EDA: variants seen among roughly 807,000 people sequenced by gnomAD.
The protein encoded by EDA is ectodysplasin-A.
A neutral mutation model predicts 23.6 loss-of-function variants in EDA; 2 were observed. The observed-to-expected ratio is 0.08, with a 90% CI of 0.03 to 0.27. The LOEUF is 0.27. Among genes scored for constraint, EDA ranks in the 10% least tolerant of loss-of-function variants. The pLI, the probability that EDA is intolerant of heterozygous loss-of-function variation, is 1.00. For synonymous variants in EDA, 131 were observed against 132.0 expected (o/e 0.99, Z 0.05); for missense variants, 229 against 324.2 (o/e 0.71, Z 2.26).
At chrX:69,958,091 A>G (rs902436289) in intron 2 of EDA, among the ~76,000 whole-genome samples, 7 of 112,227 alleles carry the variant, frequency 6.2e-5, no homozygotes, top group Non-Finnish European at 1.3e-4. Flanking sequence ...TGAGTTAACT[A>G]GCAATGCATT....
intron 1 of EDA, among the ~76,000 whole-genome samples, chrX:69,777,431 A>AT (rs1331021404): frequency 3.6e-5 from 4 of 111,210 alleles, no homozygotes; most frequent in Non-Finnish European, 7.6e-5. Flanking sequence ...GTAGTTTGTC[A>AT]TTTGGGGGTT....
intron 1 of EDA, among the ~76,000 whole-genome samples, chrX:69,636,616 C>T (rs1227158859): frequency 9.4e-6 from 1 of 105,862 alleles, no homozygotes; most frequent in Non-Finnish European, 1.9e-5. Flanking sequence ...ACCATAGGTG[C>T]TCAAACTGGT....
At chrX:69,698,111 C>T (rs915094190) in intron 1 of EDA, among the ~76,000 whole-genome samples, 6 of 111,745 alleles carry the variant, frequency 5.4e-5, no homozygotes, top group Non-Finnish European at 9.4e-5. Context: ...GTGGCAGGAC[C>T]GTGATATTCG....
intron 2 of EDA, among the ~76,000 whole-genome samples, chrX:69,965,775 G>A (rs759300383): frequency 1.8e-5 from 2 of 112,461 alleles, no homozygotes; most frequent in Non-Finnish European, 3.8e-5. Flanking sequence ...GTCTGGACAC[G>A]GTGGCTTACG....
intron 1 of EDA, among the ~76,000 whole-genome samples, chrX:69,732,085 T>G (rs995365475): frequency 1.0e-5 from 1 of 97,233 alleles, no homozygotes; most frequent in African/African-American, 3.3e-5. Context: ...TTATTAAATA[T>G]TTTATTGAAG....
chrX:69,842,172 C>G (rs1470288813), intron 1 of EDA, among the ~76,000 whole-genome samples: 2 of 111,243 alleles, frequency 1.8e-5, no homozygotes, highest in Non-Finnish European at 3.8e-5. Flanking sequence ...ATCAGATCAG[C>G]AGTGGCATTA....
intron 1 of EDA, among the ~76,000 whole-genome samples, chrX:69,715,780 G>A (rs775328099): frequency 9.8e-5 from 11 of 111,827 alleles, no homozygotes; most frequent in African/African-American, 3.2e-4. Context: ...CATTTTGACT[G>A]GTGTGAGATG....
At position 69,830,032 on chromosome X, in the gene EDA, C is replaced by T. The variant is rs544443281; in HGVS notation, c.397-126995C>T. Among the ~76,000 whole-genome samples, 5 of 110,446 alleles carry T rather than the reference C, an allele frequency of 4.5e-5. No individual in the cohort carries two copies. The South Asian group carries it at 1.1e-3, about 25-fold the overall frequency. On this transcript the variant is annotated intron_variant, in intron 1 of 7. Transcript: ENST00000374552. Reference sequence around the variant, plus strand: ...GCAGGCTTTTTGATCAGCTTTTTTACTGACAATAACAGGCAAGTATTTCCA... The same window carrying T: ...GCAGGCTTTTTGATCAGCTTTTTTATTGACAATAACAGGCAAGTATTTCCA...
intron 1 of EDA, among the ~76,000 whole-genome samples, chrX:69,820,031 G>A (rs1002329398): frequency 2.7e-5 from 3 of 111,157 alleles, no homozygotes; most frequent in Non-Finnish European, 5.7e-5. Flanking sequence ...GCATGGTAGT[G>A]GTACAAGACC....
intron 1 of EDA, among the ~76,000 whole-genome samples, chrX:69,623,803 T>A (rs960954032): frequency 1.8e-5 from 2 of 110,445 alleles, no homozygotes; most frequent in African/African-American, 6.6e-5. Flanking sequence ...TAAATAACTG[T>A]CTGCAATCAT....
At chrX:69,755,217 TG>T (rs2014066063) in intron 1 of EDA, among the ~76,000 whole-genome samples, 1 of 111,879 alleles carries the variant, frequency 8.9e-6, no homozygotes, top group South Asian at 3.7e-4. Flanking sequence ...TCTTTGATGA[TG>T]GTGACGTACA....
At chrX:70,000,212 C>T (rs988252225) in intron 2 of EDA, among the ~76,000 whole-genome samples, 3 of 112,035 alleles carry the variant, frequency 2.7e-5, no homozygotes, top group African/African-American at 9.7e-5. Flanking sequence ...CAACATTATT[C>T]TTGAAGTTCT....
chrX:69,831,397 T>G (rs1233555040), intron 1 of EDA, among the ~76,000 whole-genome samples: 2 of 112,668 alleles, frequency 1.8e-5, no homozygotes, highest in Admixed American at 9.4e-5. Flanking sequence ...CATCCATTTT[T>G]TATGGCTGCA....
intron 1 of EDA, among the ~76,000 whole-genome samples, chrX:69,725,164 G>A (rs1346631319): frequency 9.0e-6 from 1 of 111,650 alleles, no homozygotes; most frequent in East Asian, 2.8e-4. Flanking sequence ...CTGGGAATGC[G>A]ATTATTTATT....
intron 1 of EDA, among the ~76,000 whole-genome samples, chrX:69,777,785 A>T (rs2014829459): frequency 8.9e-6 from 1 of 112,221 alleles, no homozygotes; most frequent in Admixed American, 9.5e-5. Context: ...AAAATGATAA[A>T]TTACAAATTT....
intron 1 of EDA, among the ~76,000 whole-genome samples, chrX:69,864,364 G>A (rs1197472127): frequency 1.8e-5 from 2 of 110,980 alleles, no homozygotes; most frequent in African/African-American, 6.6e-5. Flanking sequence ...AGAAATAACA[G>A]CCACTACAGT....
chrX:69,799,971 G>A (rs145671942), intron 1 of EDA, among the ~76,000 whole-genome samples: 6 of 112,182 alleles, frequency 5.3e-5, no homozygotes, highest in Non-Finnish European at 1.1e-4. Flanking sequence ...GTCAACCTAC[G>A]TGTCCATCAA....
chrX:69,706,245 G>T (rs937905556), intron 1 of EDA, among the ~76,000 whole-genome samples: 1 of 111,893 alleles, frequency 8.9e-6, no homozygotes, highest in African/African-American at 3.2e-5. Context: ...GCCAGCCTAG[G>T]ATACATTTCA....
intron 1 of EDA, among the ~76,000 whole-genome samples, chrX:69,956,552 C>T (rs1272250156): frequency 9.1e-6 from 1 of 110,109 alleles, no homozygotes; most frequent in Admixed American, 9.8e-5. Context: ...CCATGTTGGT[C>T]AGGCTGGTTT....
Sources: allele counts gnomAD v4.1 joint callset (sites outside exome capture counted in the v4.1 genomes callset), GRCh38; gene constraint gnomAD v4.1.1; transcripts MANE v1.5; gene names NCBI Gene and HGNC (gene_info 2026-07-23, HGNC 2026-07-21).